Variants in FOXP2 observed in about 807,000 individuals in gnomAD.
FOXP2 encodes forkhead box P2, also known as forkhead box protein P2.
FOXP2 carries 12 observed loss-of-function variants against 115.8 expected under a neutral mutation model. The ratio of observed to expected loss-of-function variants is 0.10; its 90% CI spans 0.07 to 0.17. The LOEUF is 0.17. Ranked by LOEUF, FOXP2 falls within the 10% of genes least tolerant of loss-of-function variation. The pLI, the probability that FOXP2 is intolerant of heterozygous loss-of-function variation, is 1.00. For missense variants in FOXP2, 629 were observed against 843.5 expected, an observed-to-expected ratio of 0.75 and a Z score of 3.15; for synonymous variants, 328 against 297.7, an observed-to-expected ratio of 1.10 and a Z score of -1.05.
chr7:114,183,724 T>C (rs1027995698), intron 1 of FOXP2, among the ~76,000 whole-genome samples: 1 of 152,182 alleles, frequency 6.6e-6, no homozygotes, highest in African/African-American at 2.4e-5. Context: ...TTATATCAAG[T>C]TTTGGCAAAG....
chr7:114,527,546 CTA>C (rs1798938430), intron 2 of FOXP2, among the ~76,000 whole-genome samples: 1 of 152,042 alleles, frequency 6.6e-6, no homozygotes, highest in African/African-American at 2.4e-5. Context: ...AACTATTCAC[CTA>C]TGTCTTACTT....
At chr7:114,385,725 A>C (rs1024929731) in intron 2 of FOXP2, among the ~76,000 whole-genome samples, 1 of 152,204 alleles carries the variant, frequency 6.6e-6, no homozygotes, top group South Asian at 2.1e-4. Context: ...TAGCAAGCTA[A>C]AGTGGTCCAA....
At chr7:114,444,719 G>A (rs1435732919) in intron 2 of FOXP2, among the ~76,000 whole-genome samples, 1 of 152,046 alleles carries the variant, frequency 6.6e-6, no homozygotes, top group Non-Finnish European at 1.5e-5. Context: ...ATTGATGACT[G>A]TATATTTCAA....
chr7:114,594,669 G>T (rs1365161238), intron 3 of FOXP2, among the ~76,000 whole-genome samples: 1 of 152,028 alleles, frequency 6.6e-6, no homozygotes. Flanking sequence ...TTCATTGGAA[G>T]CTTCTGAAAG....
intron 3 of FOXP2, among the ~76,000 whole-genome samples, chr7:114,606,266 G>A (rs1323263923): frequency 1.3e-5 from 2 of 152,162 alleles, no homozygotes; most frequent in East Asian, 1.9e-4. Context: ...GGGATGTGTA[G>A]TTATTTGTAT....
At chr7:114,482,125 G>A (rs999849256) in intron 2 of FOXP2, among the ~76,000 whole-genome samples, 1 of 151,342 alleles carries the variant, frequency 6.6e-6, no homozygotes, top group African/African-American at 2.4e-5. Flanking sequence ...TCGAGAGAGA[G>A]GGATTGTCTT....
intron 2 of FOXP2, among the ~76,000 whole-genome samples, chr7:114,376,734 G>A (rs1792146866): frequency 6.6e-6 from 1 of 152,190 alleles, no homozygotes; most frequent in African/African-American, 2.4e-5. Flanking sequence ...ACTCAGGGCT[G>A]ACCATGAAAA....
chr7:114,120,304 G>T (rs1460269280), intron 1 of FOXP2, among the ~76,000 whole-genome samples: 1 of 152,136 alleles, frequency 6.6e-6, no homozygotes, highest in Admixed American at 6.6e-5. Flanking sequence ...TGTGGCTAAA[G>T]AAATTTACTG....
intron 2 of FOXP2, among the ~76,000 whole-genome samples, chr7:114,533,423 C>T (rs1467330191): frequency 6.6e-6 from 1 of 151,896 alleles, no homozygotes; most frequent in East Asian, 1.9e-4. Context: ...ACATTGTTCA[C>T]ACCAGCTGGC....
intron 10 of FOXP2, among the ~76,000 whole-genome samples, chr7:114,657,104 T>C (rs1039096069): frequency 6.6e-6 from 1 of 152,126 alleles, no homozygotes; most frequent in East Asian, 1.9e-4. Flanking sequence ...ATGGCAGAAA[T>C]CTTTTTATGT....
chr7:114,122,146 G>T (rs569309619), intron 1 of FOXP2, among the ~76,000 whole-genome samples: 1 of 150,670 alleles, frequency 6.6e-6, no homozygotes, highest in Admixed American at 6.6e-5. Flanking sequence ...ATTTTTCTTG[G>T]CATAAAACAC....
intron 2 of FOXP2, among the ~76,000 whole-genome samples, chr7:114,531,465 G>A (rs918393379): frequency 2.0e-5 from 3 of 151,740 alleles, no homozygotes; most frequent in Non-Finnish European, 4.4e-5. Flanking sequence ...ATTGTTTATT[G>A]AAATTCAGTC....
chr7:114,391,270 C>T (rs7807690), intron 2 of FOXP2, among the ~76,000 whole-genome samples: 146,938 of 152,252 alleles, frequency 0.97, 71,110 homozygotes, highest in East Asian at 1. Context: ...TGGCGACATG[C>T]CCCTTTAGAC....
In FOXP2 at chr7:114,689,000, T is replaced by C. The variant is rs143646440; in HGVS notation, c.2004-782T>C. ...ATGAAAAAATTTGATTATTTATATA[T>C]AATATTTTTCCACCAGGTGCTATCT... is the stretch of plus-strand genomic sequence containing the variant. On this transcript the variant is annotated intron_variant, in intron 16 of 16. Coordinates refer to ENST00000350908, the MANE Select transcript of FOXP2 (RefSeq NM_014491.4). 2.4e-4 allele frequency among the ~76,000 whole-genome samples: 36 copies of C among 152,270 alleles called. No homozygotes were observed. The East Asian group carries it at 6.5e-3, about 28-fold the overall frequency.
upstream of FOXP2, chr7:114,086,625 C>A: frequency 2.5e-6 from 1 of 396,126 alleles, no homozygotes; most frequent in South Asian, 1.7e-5. Flanking sequence ...AGTTTCTTGG[C>A]CCTCACTCTG....
chr7:114,133,497 C>G (rs1317549843), intron 1 of FOXP2, among the ~76,000 whole-genome samples: 2 of 152,316 alleles, frequency 1.3e-5, no homozygotes, highest in East Asian at 3.9e-4. Context: ...AAGAAACAGT[C>G]CAAGGACTGA....
chr7:114,403,928 A>G (rs571239885), intron 2 of FOXP2, among the ~76,000 whole-genome samples: 4 of 152,296 alleles, frequency 2.6e-5, no homozygotes, highest in Non-Finnish European at 2.9e-5. Flanking sequence ...AGTATAGTTT[A>G]TTATTCAGCA....
chr7:114,111,068 A>T (rs1470362226), intron 1 of FOXP2, among the ~76,000 whole-genome samples: 2 of 152,116 alleles, frequency 1.3e-5, no homozygotes, highest in East Asian at 3.9e-4. Flanking sequence ...TTAGAAGAAG[A>T]AGTAACAGCC....
intron 16 of FOXP2, among the ~76,000 whole-genome samples, chr7:114,684,964 A>C (rs973011479): frequency 6.6e-6 from 1 of 152,146 alleles, no homozygotes; most frequent in Non-Finnish European, 1.5e-5. Context: ...CCATTTATTC[A>C]AAGTAGTTGT....
Sources: allele counts gnomAD v4.1 joint callset (sites outside exome capture counted in the v4.1 genomes callset), GRCh38; gene constraint gnomAD v4.1.1; transcripts MANE v1.5; gene names NCBI Gene and HGNC (gene_info 2026-07-23, HGNC 2026-07-21).